The following GPC5 variants were observed in gnomAD, a reference collection of about 807,000 sequenced individuals.
GPC5 encodes the protein glypican 5.
Under a neutral mutation model 53.9 loss-of-function variants are expected in GPC5, and 47 were observed. The observed-to-expected ratio is 0.87, with a 90% CI of 0.69 to 1.11. The LOEUF is 1.11. Ranked by LOEUF, GPC5 falls within the 50% of genes most tolerant of loss-of-function variation. The pLI is 0.00. For missense variants in GPC5, 748 were observed against 713.1 expected (o/e 1.05, Z -0.56); for synonymous variants, 286 against 263.3 (o/e 1.09, Z -0.84).
At chr13:91,935,548 G>T (rs1246196788) in intron 6 of GPC5, among the ~76,000 whole-genome samples, 1 of 151,806 alleles carries the variant, frequency 6.6e-6, no homozygotes, top group African/African-American at 2.4e-5. Flanking sequence ...GTAAAGAAAT[G>T]ATATTTTTTG....
chr13:92,099,976 T>C (rs2138910056), intron 6 of GPC5, among the ~76,000 whole-genome samples: 1 of 152,134 alleles, frequency 6.6e-6, no homozygotes, highest in African/African-American at 2.4e-5. Context: ...GTGCTGACCA[T>C]AAAGAAGCAA....
chr13:92,153,721 C>T (rs113060751), intron 7 of GPC5, among the ~76,000 whole-genome samples: 2 of 152,306 alleles, frequency 1.3e-5, no homozygotes, highest in East Asian at 1.9e-4. Flanking sequence ...AATTCATATT[C>T]TCACTAGAAA....
chr13:92,421,698 C>A (rs1483436307), intron 7 of GPC5, among the ~76,000 whole-genome samples: 20 of 69,462 alleles, frequency 2.9e-4, no homozygotes, highest in South Asian at 5.2e-4. Flanking sequence ...GACTCCGTCT[C>A]AAAAAAAAAA....
chr13:92,762,313 G>A (rs1026601388), intron 7 of GPC5, among the ~76,000 whole-genome samples: 2 of 151,990 alleles, frequency 1.3e-5, no homozygotes, highest in African/African-American at 4.8e-5. Context: ...TTTATGTGAC[G>A]GAAGTTACGT....
intron 6 of GPC5, among the ~76,000 whole-genome samples, chr13:91,986,577 T>G (rs1048090891): frequency 6.6e-6 from 1 of 152,210 alleles, no homozygotes; most frequent in African/African-American, 2.4e-5. Flanking sequence ...AAGCATGACA[T>G]GACTCCTATA....
intron 2 of GPC5, among the ~76,000 whole-genome samples, chr13:91,651,308 G>T (rs2034703491): frequency 6.6e-6 from 1 of 152,104 alleles, no homozygotes; most frequent in Non-Finnish European, 1.5e-5. Context: ...TATTTTGATA[G>T]TATTGTAGTT....
intron 2 of GPC5, among the ~76,000 whole-genome samples, chr13:91,548,714 G>C (rs1594238525): frequency 6.6e-6 from 1 of 152,286 alleles, no homozygotes; most frequent in East Asian, 1.9e-4. Flanking sequence ...TTTCTATAAA[G>C]CCACAATAAG....
intron 7 of GPC5, among the ~76,000 whole-genome samples, chr13:92,266,139 G>A (rs558219251): frequency 1.3e-5 from 2 of 152,186 alleles, no homozygotes; most frequent in African/African-American, 2.4e-5. Flanking sequence ...AGTTTCCAGT[G>A]CATATTTTTT....
At chr13:92,541,390 T>C (rs1289796552) in intron 7 of GPC5, among the ~76,000 whole-genome samples, 1 of 151,808 alleles carries the variant, frequency 6.6e-6, no homozygotes, top group Non-Finnish European at 1.5e-5. Flanking sequence ...TTGGATGAAA[T>C]AAAAACATAT....
intron 7 of GPC5, among the ~76,000 whole-genome samples, chr13:92,227,465 A>G (rs983144427): frequency 1.3e-5 from 2 of 152,184 alleles, no homozygotes; most frequent in Non-Finnish European, 2.9e-5. Context: ...TCAGTCTACA[A>G]GTTCCTGTCT....
intron 7 of GPC5, among the ~76,000 whole-genome samples, chr13:92,283,232 A>T (rs553096772): frequency 1.4e-4 from 21 of 152,324 alleles, no homozygotes; most frequent in African/African-American, 5.1e-4. Context: ...GAGTAACCAG[A>T]TTCATAAAGC....
At chr13:92,154,767 A>G (rs1418083438) in intron 7 of GPC5, among the ~76,000 whole-genome samples, 4 of 152,184 alleles carry the variant, frequency 2.6e-5, no homozygotes, top group Non-Finnish European at 5.9e-5. Flanking sequence ...CCATTTTTAC[A>G]TGAGACTTTA....
At position 92,299,810 on chromosome 13, in the gene GPC5, G is replaced by T. The variant is rs1378896502; in HGVS notation, c.1561+154821G>T. On this transcript the variant is annotated intron_variant, in intron 7 of 7. Transcript: ENST00000377067. ...TCTTTGAGTTTTATTGTAGAAAGTG[G>T]TTTTTTAAATCTAAATATTTTATAC... Among the ~76,000 whole-genome samples the T allele has an allele frequency of 3.3e-5, 5 of 152,072 alleles. No homozygotes were observed. In the South Asian group the frequency reaches 6.2e-4, roughly 19 times the overall value.
intron 5 of GPC5, among the ~76,000 whole-genome samples, chr13:91,771,829 C>T (rs1350543468): frequency 1.3e-5 from 2 of 152,068 alleles, no homozygotes; most frequent in African/African-American, 2.4e-5. Context: ...TACTTCAGAA[C>T]AATAGAAATG....
At chr13:91,898,980 T>C (rs1436833438) in intron 5 of GPC5, among the ~76,000 whole-genome samples, 1 of 152,138 alleles carries the variant, frequency 6.6e-6, no homozygotes, top group Admixed American at 6.5e-5. Context: ...TGTAGCTAAT[T>C]TAATGAAATT....
At chr13:92,052,457 T>C (rs573589549) in intron 6 of GPC5, among the ~76,000 whole-genome samples, 1 of 152,308 alleles carries the variant, frequency 6.6e-6, no homozygotes, top group African/African-American at 2.4e-5. Context: ...TGCCACTGGC[T>C]AGGGTGGCCA....
At chr13:92,018,526 A>G (rs2040728523) in intron 6 of GPC5, among the ~76,000 whole-genome samples, 1 of 152,152 alleles carries the variant, frequency 6.6e-6, no homozygotes, top group Admixed American at 6.6e-5. Flanking sequence ...ACAACACAGG[A>G]TAACCAAATT....
intron 7 of GPC5, among the ~76,000 whole-genome samples, chr13:92,381,167 G>T (rs2043735811): frequency 6.6e-6 from 1 of 152,220 alleles, no homozygotes; most frequent in Non-Finnish European, 1.5e-5. Context: ...GTTTCTTCCT[G>T]GTCTGAGCAT....
In GPC5 at chr13:92,272,200, C is replaced by A. The variant is rs549977479; in HGVS notation, c.1561+127211C>A. Among the ~76,000 whole-genome samples the A allele has an allele frequency of 2.0e-5, 3 of 152,242 alleles. 1 individual carries two copies. The South Asian group carries it at 6.2e-4, about 32-fold the overall frequency. On this transcript the variant is annotated intron_variant, in intron 7 of 7. Transcript: ENST00000377067. ...AATTTGACTAGTTGATCCTAATATA[C>A]CCTTCCCACATTTTTTTAGCCAATA...
Sources: gnomAD v4.1 joint callset for allele counts (sites outside exome capture counted in the v4.1 genomes callset) on GRCh38, gnomAD v4.1.1 for gene constraint, MANE v1.5 for transcripts, NCBI Gene and HGNC (gene_info 2026-07-23, HGNC 2026-07-21) for gene names.